Variants in ZNF76 observed in about 807,000 individuals in gnomAD.
The protein encoded by ZNF76 is zinc finger protein 523.
Under a neutral mutation model 66.9 loss-of-function variants are expected in ZNF76, and 66 were observed. The ratio of observed to expected loss-of-function variants is 0.99; its 90% CI spans 0.81 to 1.21. The LOEUF is 1.21. Among genes scored for constraint, ZNF76 ranks in the 50% most tolerant of loss-of-function variants. The probability of loss-of-function intolerance (pLI) is 0.00; values close to 1 mark genes in which losing one functional copy is unlikely to be tolerated. For missense variants in ZNF76, 729 were observed against 760.3 expected (o/e 0.96, Z 0.48); for synonymous variants, 275 against 296.1 (o/e 0.93, Z 0.73).
Position 35,259,825 on chromosome 6 carries a change from C to T in ZNF76, c.-113C>T, listed in dbSNP as rs959497460. 2.0e-5 allele frequency: 3 copies of T among 152,632 alleles called. No individual in the cohort carries two copies. The highest frequency in any genetic ancestry group is 7.2e-5 in the African/African-American group (3 of 41,458). The allele number at this position is 152,632 out of a possible 1,614,324, so 9.5% of individuals were successfully genotyped here. A position where few individuals can be genotyped will look rare whatever the true frequency, so the allele number is the denominator to read the frequency against. On this transcript the variant is annotated 5_prime_UTR_variant, in exon 1 of 14. Transcript: ENST00000373953. ...GCATGGCGGTCTGTCGGCGGAGTCGCCCTCGGGGGCTGTCAGGTTGGTGGC... is the reference window on the plus strand; with the variant it reads ...GCATGGCGGTCTGTCGGCGGAGTCGTCCTCGGGGGCTGTCAGGTTGGTGGC...
chr6:35,294,944 G>A, intron 13 of ZNF76, 200 bp from the exon 14 acceptor site: 1 of 592,900 alleles, frequency 1.7e-6, no homozygotes. Context: ...GGCTATTCCA[G>A]GGCCCCCTGG....
intron 1 of ZNF76, among the ~76,000 whole-genome samples, chr6:35,267,688 T>C (rs763031823): frequency 2.0e-5 from 3 of 152,192 alleles, no homozygotes; most frequent in Non-Finnish European, 4.4e-5. Flanking sequence ...AACCCCCTGT[T>C]GTGGCTTCAC....
rs746975218 is a variant in ZNF76, at chr6:35,286,031, G to T, written c.74-97G>T. On this transcript the variant is annotated intron_variant, in intron 2 of 13. Transcript: ENST00000373953. ...CCCATGCTTAGACCTGCAGGCTCGT[G>T]CCTAGAGACTCAAATAAGCCTCAGC... is the stretch of plus-strand genomic sequence containing the variant. 3.6e-6 allele frequency: 4 copies of T among 1,110,604 alleles called. No homozygotes were observed. In the East Asian group the frequency reaches 9.4e-5, roughly 26 times the overall value. 68.8% of individuals were successfully genotyped at this position (1,110,604 alleles called of 1,614,324 possible). A position where few individuals can be genotyped will look rare whatever the true frequency, so the allele number is the denominator to read the frequency against.
intron 1 of ZNF76, among the ~76,000 whole-genome samples, chr6:35,274,569 T>C (rs1335471620): frequency 6.6e-6 from 1 of 152,176 alleles, no homozygotes; most frequent in Admixed American, 6.5e-5. Context: ...AGATCCAAAG[T>C]ATCTAAAAAG....
Position 35,290,260 on chromosome 6 carries a change from C to T in ZNF76, c.433-6C>T, listed in dbSNP as rs1472878781. On this transcript the variant is annotated splice_polypyrimidine_tract_variant and splice_region_variant and intron_variant, in intron 5 of 13. Coordinates refer to ENST00000373953, the MANE Select transcript of ZNF76 (RefSeq NM_003427.5). ...ACATATAGGGATCTCAAGACTTTTC[C>T]CCCAGGTTCTTCATGACAGCCAGAT... is the stretch of plus-strand genomic sequence containing the variant. The T allele has an allele frequency of 1.9e-6, 3 of 1,614,074 alleles. No homozygotes were observed. The South Asian group carries it at 3.3e-5, about 18-fold the overall frequency.
intron 11 of ZNF76, 112 bp downstream of exon 11, chr6:35,293,156 T>A: frequency 7.6e-7 from 1 of 1,318,426 alleles, no homozygotes. Flanking sequence ...GCTTCTTGTT[T>A]AAGTTTTATA....
At chr6:35,263,654 C>G (rs1196471614) in intron 1 of ZNF76, among the ~76,000 whole-genome samples, 1 of 152,226 alleles carries the variant, frequency 6.6e-6, no homozygotes, top group Non-Finnish European at 1.5e-5. Flanking sequence ...GATTTGTTTA[C>G]TTAGGGCACA....
rs1789764953 is a variant in ZNF76, at chr6:35,287,662, C to T, written c.249C>T (p.Ser83=). ...HRTPREGYDP[S]TLEAVQLEDG... Reference sequence around the variant, plus strand: ...TCCCTGCAGAAGGCTATGACCCCAGCACCCTGGAAGCCGTCCAACTGGAAG... The same window carrying T: ...TCCCTGCAGAAGGCTATGACCCCAGTACCCTGGAAGCCGTCCAACTGGAAG... Residue 83 remains serine (S), a synonymous_variant, in exon 5 of 14, where the codon AGC becomes AGT. Transcript: ENST00000373953. The surrounding 1 kb of genome is among the most constrained non-coding windows in gnomAD (Gnocchi z 4.0). 6.2e-7 allele frequency: 1 copy of T among 1,612,512 alleles called. No individual in the cohort carries two copies.
In ZNF76 at chr6:35,290,365, A is replaced by T. The variant is rs1265674558; in HGVS notation, c.532A>T (p.Thr178Ser). The T allele has an allele frequency of 5.6e-6, 9 of 1,613,922 alleles. No individual in the cohort carries two copies. The highest frequency in any genetic ancestry group is 1.7e-5 in the Admixed American group (1 of 59,988). ...GYKGCGRLYT[T>S]AHHLKVHERA... ...CAAGGGCTGTGGGCGTCTCTACACC[A>T]CCGCTCATCACTTAAAGGTAAGGTT... Residue 178 changes from threonine to serine, a missense_variant, in exon 6 of 14, where the codon ACC (threonine) becomes TCC (serine). Coordinates refer to ENST00000373953, the MANE Select transcript of ZNF76 (RefSeq NM_003427.5).
Position 35,281,181 on chromosome 6 carries a change from C to G in ZNF76, c.30C>G (p.Thr10=), listed in dbSNP as rs944764327. 6.2e-7 allele frequency: 1 copy of G among 1,613,784 alleles called. No homozygotes were observed. Among genetic ancestry groups the G allele is most frequent in the Non-Finnish European group, 8.5e-7 (1 of 1,180,032 alleles). The change falls in exon 2 of 14, where the codon ACC becomes ACG. Residue 10 remains threonine (T), a synonymous_variant. Transcript: ENST00000373953. The part of the protein sequence containing the change: MESLGLHTV[T]LSDGTTAYVQ... The stretch of plus-strand genomic sequence containing the variant: ...AGAGCTTGGGGCTGCACACGGTGAC[C>G]CTTAGTGATGGGACAACAGCCTACG...
chr6:35,281,194 A>C lies in ZNF76; in HGVS notation c.43A>C (p.Thr15Pro). Residue 15 changes from threonine to proline, a missense_variant, in exon 2 of 14, where the codon ACA becomes CCA. By Grantham distance (38) the Thr-to-Pro change is conservative. Coordinates refer to ENST00000373953, the MANE Select transcript of ZNF76 (RefSeq NM_003427.5). The stretch of plus-strand genomic sequence containing the variant: ...GCACACGGTGACCCTTAGTGATGGG[A>C]CAACAGCCTACGTCCAGCAAGCTGT... The part of the protein sequence containing the change: ...GLHTVTLSDG[T>P]TAYVQQAVKG... The C allele has an allele frequency of 1.2e-6, 2 of 1,613,896 alleles. No homozygotes were observed. Among genetic ancestry groups the C allele is most frequent in the Non-Finnish European group, 1.7e-6 (2 of 1,180,026 alleles).
In ZNF76 at chr6:35,295,237, A is replaced by C; in HGVS notation, c.1702A>C (p.Ser568Arg). The C allele has an allele frequency of 6.2e-7, 1 of 1,605,336 alleles. No individual in the cohort carries two copies. The highest frequency in any genetic ancestry group is 8.5e-7 in the Non-Finnish European group (1 of 1,176,200). The change falls in exon 14 of 14, where the codon AGT (serine) becomes CGT (arginine). Residue 568 changes from serine (S) to arginine (R), a missense_variant. Physicochemically the swap from Ser to Arg is moderately radical, Grantham distance 110. Transcript: ENST00000373953. Reference protein sequence around the residue: ...AVTLETTVSESGC With the variant: ...AVTLETTVSERGC ...GACCCTGGAGACAACAGTGTCGGAG[A>C]GTGGCTGCTGAGTCCAAGAGGGCTG...
At chr6:35,293,556 T>G (rs969783247) in intron 11 of ZNF76, among the ~76,000 whole-genome samples, 195 bp from the exon 12 acceptor site, 1 of 152,136 alleles carries the variant, frequency 6.6e-6, no homozygotes, top group Non-Finnish European at 1.5e-5. Flanking sequence ...ATAGAAGTAG[T>G]CAGTGGAATT....
At chr6:35,278,767 C>T (rs1310895646) in intron 1 of ZNF76, among the ~76,000 whole-genome samples, 7 of 152,248 alleles carry the variant, frequency 4.6e-5, no homozygotes, top group African/African-American at 1.7e-4. Flanking sequence ...GCAGGCTGCA[C>T]ACCACAGTGG....
At chr6:35,272,903 C>G (rs1185513265) in intron 1 of ZNF76, among the ~76,000 whole-genome samples, 2 of 152,102 alleles carry the variant, frequency 1.3e-5, no homozygotes, top group Non-Finnish European at 2.9e-5. Context: ...CCTGTAATCC[C>G]AGCACTTTGG....
chr6:35,290,779 C>T, intron 7 of ZNF76, 63 bp downstream of exon 7: 1 of 1,507,754 alleles, frequency 6.6e-7, no homozygotes, highest in South Asian at 1.1e-5. Context: ...TTTGGGACCT[C>T]TCTGAAGGGA....
intron 8 of ZNF76, 35 bp from the exon 9 acceptor site, chr6:35,291,521 TTC>T (rs1220093541): frequency 1.2e-6 from 2 of 1,607,074 alleles, no homozygotes; most frequent in Non-Finnish European, 1.7e-6. Flanking sequence ...ATGGCCCTCT[TTC>T]CCACACCCCT....
intron 8 of ZNF76, 23 bp from the exon 9 acceptor site, chr6:35,291,535 C>G: frequency 6.2e-7 from 1 of 1,609,168 alleles, no homozygotes; most frequent in Non-Finnish European, 8.5e-7. Context: ...CACACCCCTC[C>G]TCACATCCCA....
intron 6 of ZNF76, 122 bp downstream of exon 6, chr6:35,290,504 T>G (rs1459050902): frequency 4.6e-5 from 70 of 1,520,238 alleles, no homozygotes; most frequent in Non-Finnish European, 6.2e-5. Context: ...GAAATGAGGG[T>G]ACACAGGAAT....
Sources: allele counts gnomAD v4.1 joint callset (sites outside exome capture counted in the v4.1 genomes callset), GRCh38; gene constraint gnomAD v4.1.1; non-coding constraint Gnocchi (gnomAD v3.1); transcripts MANE v1.5; gene names NCBI Gene and HGNC (gene_info 2026-07-23, HGNC 2026-07-21).